Variants in ALG9 observed in about 807,000 individuals in gnomAD.
ALG9 encodes alpha-1,2-mannosyltransferase ALG9.
ALG9 carries 55 observed loss-of-function variants against 81.8 expected under a neutral mutation model. That is an observed-to-expected ratio of 0.67 (90% confidence interval 0.54 to 0.84). ALG9 has a LOEUF of 0.84. Ranked by LOEUF, ALG9 falls within the 40% of genes least tolerant of loss-of-function variation. ALG9 has a pLI of 0.00. For synonymous variants in ALG9, 278 were observed against 274.3 expected (o/e 1.01, Z -0.13); for missense variants, 629 against 745.0 (o/e 0.84, Z 1.81).
At chr11:111,867,211 T>C (rs1962780682) in intron 3 of ALG9, among the ~76,000 whole-genome samples, 1 of 152,232 alleles carries the variant, frequency 6.6e-6, no homozygotes, top group South Asian at 2.1e-4. Context: ...CATTCTAAAA[T>C]GTAAATGCAA....
downstream of ALG9, among the ~76,000 whole-genome samples, chr11:111,780,381 C>T (rs531402569): frequency 4.8e-5 from 7 of 145,978 alleles, no homozygotes; most frequent in South Asian, 1.3e-3. Context: ...TATAATTTGC[C>T]GTTTTTTTTT....
At chr11:111,846,391 A>AT (rs1956953243) in intron 8 of ALG9, among the ~76,000 whole-genome samples, 1 of 152,220 alleles carries the variant, frequency 6.6e-6, no homozygotes, top group Non-Finnish European at 1.5e-5. Flanking sequence ...TCTCTTTCAT[A>AT]TTTGCAAATA....
At chr11:111,797,576 A>G (rs1555076430) in intron 14 of ALG9, among the ~76,000 whole-genome samples, 1 of 152,254 alleles carries the variant, frequency 6.6e-6, no homozygotes, top group African/African-American at 2.4e-5. Flanking sequence ...GATGACTGTT[A>G]CACAGCAATA....
chr11:111,822,175 G>A (rs1027629388), intron 13 of ALG9, among the ~76,000 whole-genome samples: 1 of 152,036 alleles, frequency 6.6e-6, no homozygotes, highest in Non-Finnish European at 1.5e-5. Context: ...GGGAGGCCAA[G>A]GTGGGCAGAT....
intron 5 of ALG9, among the ~76,000 whole-genome samples, chr11:111,858,794 AC>A (rs1959123784): frequency 6.6e-6 from 1 of 152,202 alleles, no homozygotes; most frequent in South Asian, 2.1e-4. Context: ...GTTTTTTTAA[AC>A]TCAGCAAAGG....
the ALG9 span, among the ~76,000 whole-genome samples, chr11:111,775,585 A>G: frequency 6.6e-6 from 1 of 152,192 alleles, no homozygotes; most frequent in Non-Finnish European, 1.5e-5. Flanking sequence ...GAAGTGGACT[A>G]AGAAGGTGAT....
intron 13 of ALG9, among the ~76,000 whole-genome samples, chr11:111,816,267 T>C (rs1555097063): frequency 6.6e-6 from 1 of 152,250 alleles, no homozygotes; most frequent in East Asian, 1.9e-4. Context: ...AGTATCTATT[T>C]GGTGAATCCT....
chr11:111,808,230 T>C (rs915785893), intron 14 of ALG9, among the ~76,000 whole-genome samples: 2 of 152,108 alleles, frequency 1.3e-5, no homozygotes, highest in Admixed American at 6.5e-5. Flanking sequence ...TGAGAATCAC[T>C]CAAGAACTCA....
intron 14 of ALG9, among the ~76,000 whole-genome samples, chr11:111,792,167 G>C (rs1947535471): frequency 6.6e-6 from 1 of 152,176 alleles, no homozygotes; most frequent in Non-Finnish European, 1.5e-5. Flanking sequence ...TTTTCTCTCA[G>C]TGCACCTGTG....
At position 111,783,627 on chromosome 11, in the gene ALG9, T is replaced by C. The variant is rs1946151665; in HGVS notation, c.*2770A>G. On this transcript the variant is annotated 3_prime_UTR_variant, in exon 15 of 15. Coordinates refer to ENST00000616540, the MANE Select transcript of ALG9 (RefSeq NM_024740.2). ...ACTCTGAGCAGGTGTGTTGAAACTG[T>C]TTTTCCCAGGCAAAGCTATCCTTCC... 1 of 152,110 alleles carries C rather than the reference T, an allele frequency of 6.6e-6. No homozygotes were observed. The allele number at this position is 152,110 out of a possible 1,614,324, so 9.4% of individuals were successfully genotyped here. A position where few individuals can be genotyped will look rare whatever the true frequency, so the allele number is the denominator to read the frequency against.
At chr11:111,852,473 C>G (rs1004931028) in intron 8 of ALG9, among the ~76,000 whole-genome samples, 1 of 152,182 alleles carries the variant, frequency 6.6e-6, no homozygotes, top group Non-Finnish European at 1.5e-5. Flanking sequence ...ATTCCATTTT[C>G]TCTCTTAACC....
chr11:111,839,510 G>A (rs1254148948), intron 10 of ALG9, among the ~76,000 whole-genome samples: 2 of 145,718 alleles, frequency 1.4e-5, no homozygotes, highest in African/African-American at 2.5e-5. Context: ...GTGTGAACCC[G>A]AGAGGCAGAG....
intron 1 of ALG9, 50 bp downstream of exon 1, chr11:111,871,302 C>G (rs772076488): frequency 1.4e-6 from 2 of 1,380,294 alleles, no homozygotes; most frequent in Admixed American, 3.8e-5. Flanking sequence ...CGGGGGCAGC[C>G]CCGAACCGCC....
chr11:111,865,826 A>C (rs1263596416), intron 3 of ALG9, among the ~76,000 whole-genome samples: 1 of 152,050 alleles, frequency 6.6e-6, no homozygotes, highest in African/African-American at 2.4e-5. Context: ...GATTTAGATG[A>C]GTATTTTTCC....
chr11:111,857,828 A>G, intron 5 of ALG9, 91 bp from the exon 6 acceptor site: 1 of 1,425,998 alleles, frequency 7.0e-7, no homozygotes. Flanking sequence ...ATTTACCTAC[A>G]TTATAAAATG....
In ALG9 at chr11:111,809,642, C is replaced by G; in HGVS notation, c.1733+1G>C. ...TATCCCATAGGATTAAAGCCACATA[C>G]CTAGAAGCATCAAGGAATGGTCTAT... On this transcript the variant is annotated splice_donor_variant, in intron 14 of 14. Transcript: ENST00000616540. LOFTEE classifies it high-confidence loss of function. The G allele has an allele frequency of 6.2e-7, 1 of 1,613,978 alleles. No homozygotes were observed. The highest frequency in any genetic ancestry group is 8.5e-7 in the Non-Finnish European group (1 of 1,179,940).
chr11:111,871,221 AGAGGGAGCTCG>A (rs1964192599), intron 1 of ALG9, 120 bp downstream of exon 1: 1 of 1,312,736 alleles, frequency 7.6e-7, no homozygotes, highest in Non-Finnish European at 9.6e-7. Flanking sequence ...ACCTAGCTGA[AGAGGGAGCTCG>A]GGCCTCCCGC....
chr11:111,826,618 TTTTGA>T (rs1402201654), intron 13 of ALG9, among the ~76,000 whole-genome samples: 10 of 152,270 alleles, frequency 6.6e-5, no homozygotes, highest in African/African-American at 2.4e-4. Flanking sequence ...TCCTGGTAGC[TTTTGA>T]TTTTTCAATT....
chr11:111,827,867 CAAA>C (rs781817579), intron 13 of ALG9, among the ~76,000 whole-genome samples: 5 of 62,120 alleles, frequency 8.0e-5, no homozygotes, highest in Non-Finnish European at 9.9e-5. Flanking sequence ...ACTCTGTCTC[CAAA>C]AAAAAAAAAA....
Sources: allele counts gnomAD v4.1 joint callset (sites outside exome capture counted in the v4.1 genomes callset), GRCh38; gene constraint gnomAD v4.1.1; transcripts MANE v1.5; gene names NCBI Gene and HGNC (gene_info 2026-07-23, HGNC 2026-07-21).